The following LRMDA variants were observed in gnomAD, a reference collection of about 807,000 sequenced individuals.
LRMDA encodes leucine rich melanocyte differentiation associated, also known as leucine-rich melanocyte differentiation-associated protein.
Under a neutral mutation model 29.8 loss-of-function variants are expected in LRMDA, and 18 were observed. That is an observed-to-expected ratio of 0.60 (90% CI 0.42 to 0.90). The LOEUF is 0.90. Among genes scored for constraint, LRMDA ranks in the 40% least tolerant of loss-of-function variants. The pLI, the probability that LRMDA is intolerant of heterozygous loss-of-function variation, is 0.00. For missense variants in LRMDA, 273 were observed against 273.9 expected (o/e 1.00, Z 0.02); for synonymous variants, 125 against 109.4 (o/e 1.14, Z -0.89).
chr10:76,415,299 T>A (rs1842003114), intron 6 of LRMDA, among the ~76,000 whole-genome samples: 1 of 152,228 alleles, frequency 6.6e-6, no homozygotes, highest in Admixed American at 6.5e-5. Context: ...TTCTCCTGCC[T>A]TGTTTAAGAC....
chr10:76,516,113 G>A (rs931362193), intron 6 of LRMDA, among the ~76,000 whole-genome samples: 2 of 152,076 alleles, frequency 1.3e-5, no homozygotes, highest in African/African-American at 4.8e-5. Flanking sequence ...CATAAGCTTA[G>A]GCTGTCAAGA....
chr10:76,199,958 CCACTT>C (rs1213551077), intron 5 of LRMDA, among the ~76,000 whole-genome samples: 5 of 152,120 alleles, frequency 3.3e-5, no homozygotes, highest in African/African-American at 1.2e-4. Context: ...GAGTAAGACT[CCACTT>C]CAAAAAAAAT....
At chr10:75,586,857 T>A (rs2132080897) in intron 2 of LRMDA, among the ~76,000 whole-genome samples, 1 of 152,184 alleles carries the variant, frequency 6.6e-6, no homozygotes, top group Non-Finnish European at 1.5e-5. Flanking sequence ...AGGAGTTGCT[T>A]ATATATTTTG....
At chr10:75,818,074 A>T (rs931004796) in intron 2 of LRMDA, among the ~76,000 whole-genome samples, 3 of 152,200 alleles carry the variant, frequency 2.0e-5, no homozygotes, top group Non-Finnish European at 2.9e-5. Context: ...AGTGAGAGGG[A>T]TGTGTCTTTC....
chr10:75,562,297 G>T (rs1235115323), intron 2 of LRMDA, among the ~76,000 whole-genome samples: 1 of 151,998 alleles, frequency 6.6e-6, no homozygotes, highest in South Asian at 2.1e-4. Context: ...GGCCTTCTTT[G>T]TCTCTTTTGA....
chr10:76,464,645 C>T (rs1198292115), intron 6 of LRMDA, among the ~76,000 whole-genome samples: 1 of 152,142 alleles, frequency 6.6e-6, no homozygotes, highest in African/African-American at 2.4e-5. Context: ...AGCAAAAAGC[C>T]AGAAGAATGG....
intron 5 of LRMDA, among the ~76,000 whole-genome samples, chr10:76,072,536 T>A (rs1848891726): frequency 6.6e-6 from 1 of 152,238 alleles, no homozygotes; most frequent in Non-Finnish European, 1.5e-5. Flanking sequence ...AGTGATGTTT[T>A]ATGATGACTC....
intron 2 of LRMDA, among the ~76,000 whole-genome samples, chr10:75,991,896 A>G (rs958887961): frequency 6.6e-6 from 1 of 152,336 alleles, no homozygotes; most frequent in South Asian, 2.1e-4. Flanking sequence ...CTGACTTAAC[A>G]GAGTACCACT....
At chr10:75,552,997 T>C (rs1030454993) in intron 2 of LRMDA, among the ~76,000 whole-genome samples, 1 of 152,192 alleles carries the variant, frequency 6.6e-6, no homozygotes, top group African/African-American at 2.4e-5. Context: ...TTAATTATAG[T>C]TATTTTAAGT....
chr10:76,052,609 C>T (rs1038627747), intron 4 of LRMDA, among the ~76,000 whole-genome samples: 5 of 152,184 alleles, frequency 3.3e-5, no homozygotes, highest in South Asian at 2.1e-4. Context: ...CTCCTCCTAG[C>T]GGTTTTAGCT....
chr10:76,170,415 G>A (rs1850813539), intron 5 of LRMDA, among the ~76,000 whole-genome samples: 1 of 152,144 alleles, frequency 6.6e-6, no homozygotes, highest in Admixed American at 6.5e-5. Flanking sequence ...AGGAAATATG[G>A]TAAATTTGTT....
chr10:75,442,291 A>T (rs1259454441), intron 2 of LRMDA, among the ~76,000 whole-genome samples: 3 of 152,198 alleles, frequency 2.0e-5, no homozygotes, highest in Non-Finnish European at 4.4e-5. Context: ...TGAATGATCT[A>T]TTGTCTTAGC....
intron 5 of LRMDA, among the ~76,000 whole-genome samples, chr10:76,153,472 T>C (rs898423825): frequency 1.3e-5 from 2 of 152,190 alleles, no homozygotes; most frequent in Non-Finnish European, 2.9e-5. Flanking sequence ...AGGTCTTTTA[T>C]TAAGTTTGGA....
intron 2 of LRMDA, among the ~76,000 whole-genome samples, chr10:75,624,261 C>A (rs924847578): frequency 1.3e-5 from 2 of 152,034 alleles, no homozygotes; most frequent in Non-Finnish European, 2.9e-5. Flanking sequence ...GGAAAAAATT[C>A]TTGGAGATCA....
intron 6 of LRMDA, among the ~76,000 whole-genome samples, chr10:76,363,176 AGGAGGGAGG>A (rs1438321878): frequency 2.3e-4 from 5 of 21,794 alleles, no homozygotes; most frequent in South Asian, 1.5e-3. Context: ...AAAGAAAGAA[AGGAGGGAGG>A]GAGGGAGGGA....
chr10:76,351,442 T>C (rs2132432437), intron 6 of LRMDA, among the ~76,000 whole-genome samples: 1 of 152,278 alleles, frequency 6.6e-6, no homozygotes, highest in African/African-American at 2.4e-5. Flanking sequence ...AACTTGCTGG[T>C]ACTTCTGAGT....
intron 6 of LRMDA, among the ~76,000 whole-genome samples, chr10:76,471,437 G>T (rs932662441): frequency 6.6e-6 from 1 of 151,366 alleles, no homozygotes; most frequent in Non-Finnish European, 1.5e-5. Flanking sequence ...AAAATATAGC[G>T]AAAAATTATT....
intron 2 of LRMDA, among the ~76,000 whole-genome samples, chr10:76,024,131 C>G (rs1011895879): frequency 1.3e-5 from 2 of 152,212 alleles, no homozygotes; most frequent in African/African-American, 4.8e-5. Context: ...TTGCGTTTGG[C>G]CTCATTGAGT....
At chr10:76,206,562 A>G (rs1851540861) in intron 5 of LRMDA, among the ~76,000 whole-genome samples, 1 of 152,198 alleles carries the variant, frequency 6.6e-6, no homozygotes, top group African/African-American at 2.4e-5. Flanking sequence ...TATCTGTTGC[A>G]TGGCTGCATG....
Sources: allele counts gnomAD v4.1 joint callset (sites outside exome capture counted in the v4.1 genomes callset), GRCh38; gene constraint gnomAD v4.1.1; transcripts MANE v1.5; gene names NCBI Gene and HGNC (gene_info 2026-07-23, HGNC 2026-07-21).